The following CYSTM1 variants were observed in gnomAD, a reference collection of about 807,000 sequenced individuals.
The protein encoded by CYSTM1 is cysteine rich transmembrane module containing 1, also known as cysteine-rich transmembrane module-containing protein 1.
A neutral mutation model predicts 13.1 loss-of-function variants in CYSTM1; 4 were observed. That is an observed-to-expected ratio of 0.31 (90% CI 0.15 to 0.70). The LOEUF is 0.70. Ranked by LOEUF, CYSTM1 falls within the 30% of genes least tolerant of loss-of-function variation. The pLI, the probability that CYSTM1 is intolerant of heterozygous loss-of-function variation, is 0.72. For synonymous variants in CYSTM1, 36 were observed against 42.7 expected, an observed-to-expected ratio of 0.84 and a Z score of 0.62; for missense variants, 96 against 121.6, an observed-to-expected ratio of 0.79 and a Z score of 0.99.
chr5:140,243,034 T>C (rs1764769820), intron 2 of CYSTM1, among the ~76,000 whole-genome samples: 1 of 152,206 alleles, frequency 6.6e-6, no homozygotes, highest in Non-Finnish European at 1.5e-5. Flanking sequence ...CCAACTCTGG[T>C]TGCCTTGGCA....
At chr5:140,237,695 T>C (rs1561484294) in intron 2 of CYSTM1, among the ~76,000 whole-genome samples, 1 of 152,222 alleles carries the variant, frequency 6.6e-6, no homozygotes, top group Admixed American at 6.5e-5. Context: ...CATGTCCATA[T>C]CTACTAGATA....
At position 140,211,582 on chromosome 5, in the gene CYSTM1, C is replaced by G. The variant is rs535894813; in HGVS notation, c.187+16930C>G. ...TCCATGTATCATGTGGCCTTCCATG[C>G]ATGAGTAAAAATTGTTTTATAACCT... On this transcript the variant is annotated intron_variant, in intron 2 of 2. Coordinates refer to ENST00000261811, the MANE Select transcript of CYSTM1 (RefSeq NM_032412.4). 1.1e-4 allele frequency among the ~76,000 whole-genome samples: 17 copies of G among 152,342 alleles called. No homozygotes were observed. The South Asian group carries it at 2.9e-3, about 26-fold the overall frequency.
intron 1 of CYSTM1, among the ~76,000 whole-genome samples, chr5:140,181,166 T>G (rs773874697): frequency 6.6e-6 from 1 of 152,204 alleles, no homozygotes; most frequent in Non-Finnish European, 1.5e-5. Flanking sequence ...TTTCAGAATC[T>G]TAGGCAGAGT....
At chr5:140,226,586 T>TTTTATA (rs754744617) in intron 2 of CYSTM1, among the ~76,000 whole-genome samples, 2 of 75,312 alleles carry the variant, frequency 2.7e-5, no homozygotes, top group African/African-American at 4.9e-5. Context: ...ATACTAAATA[T>TTTTATA]TATATATATA....
rs375721120 is a variant in CYSTM1 at position 140,206,280 on chromosome 5, C to T, written c.187+11628C>T. Reference sequence around the variant, plus strand: ...AGCGCCCCCACTGGCACTCTCTGTCCCTGTTCTTCTGCCTGTTTTCCTTGC... The same window carrying T: ...AGCGCCCCCACTGGCACTCTCTGTCTCTGTTCTTCTGCCTGTTTTCCTTGC... On this transcript the variant is annotated intron_variant, in intron 2 of 2. Transcript: ENST00000261811. 1.5e-4 allele frequency among the ~76,000 whole-genome samples: 23 copies of T among 151,892 alleles called. No homozygotes were observed. In the South Asian group the frequency reaches 4.8e-3, roughly 32 times the overall value.
chr5:140,227,692 CT>C (rs369483249), intron 2 of CYSTM1, among the ~76,000 whole-genome samples: 4 of 152,232 alleles, frequency 2.6e-5, no homozygotes, highest in South Asian at 2.1e-4. Context: ...CCCACTGCCC[CT>C]AAAGCCCCCG....
intron 2 of CYSTM1, among the ~76,000 whole-genome samples, chr5:140,240,824 A>C (rs1764738924): frequency 6.6e-6 from 1 of 152,116 alleles, no homozygotes; most frequent in Non-Finnish European, 1.5e-5. Flanking sequence ...CGACTGAAGC[A>C]AGGAAAACGC....
intron 1 of CYSTM1, among the ~76,000 whole-genome samples, chr5:140,184,812 T>C (rs1763997924): frequency 6.6e-6 from 1 of 152,196 alleles, no homozygotes; most frequent in Non-Finnish European, 1.5e-5. Context: ...CTGAATTCCC[T>C]CAGAAAGTCT....
At chr5:140,225,502 A>G (rs1374404233) in intron 2 of CYSTM1, among the ~76,000 whole-genome samples, 1 of 152,164 alleles carries the variant, frequency 6.6e-6, no homozygotes, top group Admixed American at 6.5e-5. Context: ...CCCATGTCCC[A>G]TATGTTTCTC....
intron 1 of CYSTM1, among the ~76,000 whole-genome samples, chr5:140,184,318 A>G (rs28529782): frequency 0.028 from 4,239 of 151,938 alleles, 197 homozygotes; most frequent in African/African-American, 0.097. Context: ...TGGAAATACC[A>G]TGGTTTATTT....
intron 2 of CYSTM1, among the ~76,000 whole-genome samples, chr5:140,224,806 C>T (rs1178429867): frequency 6.6e-6 from 1 of 152,202 alleles, no homozygotes; most frequent in Admixed American, 6.5e-5. Flanking sequence ...CAGGTGTGAG[C>T]CATCATGCCC....
intron 1 of CYSTM1, among the ~76,000 whole-genome samples, chr5:140,190,181 T>C (rs1561809475): frequency 6.6e-6 from 1 of 152,372 alleles, no homozygotes; most frequent in East Asian, 1.9e-4. Context: ...ACAGAACTTT[T>C]AAATTTTTCT....
intron 1 of CYSTM1, among the ~76,000 whole-genome samples, chr5:140,181,183 G>C (rs1451916744): frequency 1.3e-5 from 2 of 152,188 alleles, no homozygotes; most frequent in Non-Finnish European, 2.9e-5. Context: ...GAGTCAGTTG[G>C]GGAGAAAGTG....
In CYSTM1 at chr5:140,193,800, G is replaced by A. The variant is rs918390626; in HGVS notation, c.-20-646G>A. ...TGGTGAGCCCTCCAGAGTCTCAGGG[G>A]CCTGGATGGGCAGAGGAGACGCTTG... On this transcript the variant is annotated intron_variant, in intron 1 of 2. Transcript: ENST00000261811. Among the ~76,000 whole-genome samples, 6 of 152,300 alleles carry A rather than the reference G, an allele frequency of 3.9e-5. No homozygotes were observed. The South Asian group carries it at 1.2e-3, about 32-fold the overall frequency.
At chr5:140,224,546 G>A (rs966879881) in intron 2 of CYSTM1, among the ~76,000 whole-genome samples, 2 of 152,000 alleles carry the variant, frequency 1.3e-5, no homozygotes, top group African/African-American at 4.8e-5. Context: ...TTGGAGACAG[G>A]GTCTTTCTCT....
At chr5:140,238,953 GC>G (rs1364105641) in intron 2 of CYSTM1, among the ~76,000 whole-genome samples, 2 of 152,162 alleles carry the variant, frequency 1.3e-5, no homozygotes, top group African/African-American at 4.8e-5. Context: ...GCAGTTGAGG[GC>G]CAGCCCTGGG....
At chr5:140,204,534 A>G (rs1483055320) in intron 2 of CYSTM1, among the ~76,000 whole-genome samples, 1 of 151,714 alleles carries the variant, frequency 6.6e-6, no homozygotes, top group African/African-American at 2.4e-5. Flanking sequence ...CACCCCTAAA[A>G]CATACAAAAA....
Position 140,195,465 on chromosome 5 carries a change from G to A in CYSTM1, c.187+813G>A, listed in dbSNP as rs562365707. Among the ~76,000 whole-genome samples, 18 of 134,424 alleles carry A rather than the reference G, an allele frequency of 1.3e-4. No homozygotes were observed. The South Asian group carries it at 2.2e-3, about 16-fold the overall frequency. 88.2% of individuals were successfully genotyped at this position (134,424 alleles called of 152,430 possible). ...TTTTTTTTTTTTTTTTTTTTGAGAC[G>A]GAGTCTCACTCTGTTGCCCAGGCTG... On this transcript the variant is annotated intron_variant, in intron 2 of 2. Transcript: ENST00000261811.
At chr5:140,237,645 C>T (rs1764698202) in intron 2 of CYSTM1, among the ~76,000 whole-genome samples, 1 of 152,236 alleles carries the variant, frequency 6.6e-6, no homozygotes, top group South Asian at 2.1e-4. Flanking sequence ...GATGAGACCA[C>T]AGGCAGTGCT....
Sources: gnomAD v4.1 joint callset for allele counts (sites outside exome capture counted in the v4.1 genomes callset) on GRCh38, gnomAD v4.1.1 for gene constraint, MANE v1.5 for transcripts, NCBI Gene and HGNC (gene_info 2026-07-23, HGNC 2026-07-21) for gene names.